Variants in MCOLN3 observed in about 807,000 individuals in gnomAD.
MCOLN3 encodes mucolipin TRP cation channel 3, also known as mucolipin-3.
A neutral mutation model predicts 69.4 loss-of-function variants in MCOLN3; 62 were observed. The ratio of observed to expected loss-of-function variants is 0.89; its 90% confidence interval spans 0.73 to 1.10. The LOEUF (loss-of-function observed/expected upper bound fraction) is 1.10, where lower values mean the gene tolerates loss of function less well. Ranked by LOEUF, MCOLN3 falls within the 50% of genes least tolerant of loss-of-function variation. The probability of loss-of-function intolerance (pLI) is 0.00; values close to 1 mark genes in which losing one functional copy is unlikely to be tolerated. For synonymous variants in MCOLN3, 183 were observed against 217.0 expected (o/e 0.84, Z 1.38); for missense variants, 564 against 656.4 (o/e 0.86, Z 1.54).
rs1225860641 is a variant in MCOLN3 at position 85,022,161 on chromosome 1, G to A, written c.1229C>T (p.Pro410Leu). 1 of 1,613,970 alleles carries A rather than the reference G, an allele frequency of 6.2e-7. No homozygotes were observed. The highest frequency in any genetic ancestry group is 8.5e-7 in the Non-Finnish European group (1 of 1,179,988). ...LLILTLQAAL[P>L]NVIRFCCCAA... ...ACAGCAGCAGAACCTGATGACATTG[G>A]GCAGCGCTGCCTGAAGGGTCAAAAT... The change falls in exon 11 of 13, where the codon CCC becomes CTC. Residue 410 changes from proline to leucine, a missense_variant. Pro to Leu is a moderately conservative substitution (Grantham distance 98). Coordinates refer to ENST00000370589, the MANE Select transcript of MCOLN3 (RefSeq NM_018298.11).
rs754967173 is a variant in MCOLN3, at chr1:85,026,096, GA to G, written c.946-9del. ...GAAAAAATTGACAAACTCCTTTAGG[GA>G]AAAGAGGGGAGGCACAGTGAATGTC... On this transcript the variant is annotated splice_polypyrimidine_tract_variant and intron_variant, in intron 8 of 12. Transcript: ENST00000370589. The G allele has an allele frequency of 3.2e-5, 51 of 1,609,196 alleles. No individual in the cohort carries two copies. Among genetic ancestry groups the G allele is most frequent in the Non-Finnish European group, 3.9e-5 (46 of 1,177,580 alleles).
In MCOLN3 at chr1:85,032,912, G is replaced by A. The variant is rs1652611631; in HGVS notation, c.595C>T (p.Pro199Ser). Residue 199 changes from proline to serine, a missense_variant, in exon 5 of 13, where the codon CCA (proline) becomes TCA (serine). Pro to Ser is a moderately conservative substitution (Grantham distance 74, BLOSUM62 -1). Transcript: ENST00000370589. Reference sequence around the variant, plus strand: ...GTTAAGTTCAGTTTATTTTCTGCTGGTGTCCCAATGTGAAAAGGTTCATCT... The same window carrying A: ...GTTAAGTTCAGTTTATTTTCTGCTGATGTCCCAATGTGAAAAGGTTCATCT... ...EPDEPFHIGT[P>S]AENKLNLTLD... is the part of the protein sequence containing the mutation. 3 of 1,614,076 alleles carry A rather than the reference G, an allele frequency of 1.9e-6. No individual in the cohort carries two copies. Among genetic ancestry groups the A allele is most frequent in the Non-Finnish European group, 2.5e-6 (3 of 1,180,042 alleles).
intron 1 of MCOLN3, among the ~76,000 whole-genome samples, chr1:85,045,746 T>C (rs925370551): frequency 6.6e-6 from 1 of 152,202 alleles, no homozygotes; most frequent in Admixed American, 6.5e-5. Flanking sequence ...TGAAGTTATA[T>C]GAAAACTTTC....
At chr1:85,034,373 G>T in intron 3 of MCOLN3, 122 bp from the exon 4 acceptor site, 1 of 919,302 alleles carries the variant, frequency 1.1e-6, no homozygotes, top group East Asian at 2.6e-5. Context: ...CATTCACTTT[G>T]ATAAACAGGG....
intron 3 of MCOLN3, among the ~76,000 whole-genome samples, chr1:85,039,378 T>G (rs1652952799): frequency 6.6e-6 from 1 of 152,166 alleles, no homozygotes; most frequent in Non-Finnish European, 1.5e-5. Context: ...GCCAGGCCAT[T>G]TTGTCCTTCT....
chr1:85,024,685 A>G (rs1356579970), intron 9 of MCOLN3: 6 of 152,162 alleles, frequency 3.9e-5, no homozygotes. Context: ...GTCTAGAAAG[A>G]TATTTTGTTG....
chr1:85,030,574 A>G (rs554967040), intron 6 of MCOLN3, among the ~76,000 whole-genome samples: 1 of 152,348 alleles, frequency 6.6e-6, no homozygotes, highest in East Asian at 1.9e-4. Flanking sequence ...TAAGAAAATC[A>G]TGCTGAATAA....
In MCOLN3 at chr1:85,032,890, A is replaced by C. The variant is rs1398855274; in HGVS notation, c.617T>G (p.Leu206Ter). Residue 206 changes from leucine (L) to a stop codon, truncating the protein, a stop_gained, in exon 5 of 13, where the codon TTA becomes TGA. Transcript: ENST00000370589. LOFTEE classifies it high-confidence loss of function. ...CCCTCACCTGTGGAAGTCCAGTGTT[A>C]AGTTCAGTTTATTTTCTGCTGGTGT... is the stretch of plus-strand genomic sequence containing the variant. ...IGTPAENKLN[L>*]TLDFHRLLTV... 1.9e-6 allele frequency: 3 copies of C among 1,614,052 alleles called. No homozygotes were observed. In the Admixed American group the frequency reaches 5.0e-5, roughly 27 times the overall value.
intron 9 of MCOLN3, chr1:85,025,702 A>G: frequency 2.1e-6 from 1 of 466,010 alleles, no homozygotes; most frequent in Admixed American, 4.0e-5. Flanking sequence ...CTAACATGGT[A>G]CACTTTACCA....
intron 1 of MCOLN3, among the ~76,000 whole-genome samples, chr1:85,047,946 G>C (rs911466566): frequency 1.3e-5 from 2 of 152,194 alleles, no homozygotes; most frequent in African/African-American, 4.8e-5. Flanking sequence ...CCCACTTCCA[G>C]CCGCCCCCAC....
At chr1:85,023,847 T>A (rs1443995028) in intron 9 of MCOLN3, among the ~76,000 whole-genome samples, 2 of 152,000 alleles carry the variant, frequency 1.3e-5, no homozygotes. Context: ...GCCAGTGACT[T>A]AGGAGGAAAA....
intron 3 of MCOLN3, among the ~76,000 whole-genome samples, chr1:85,039,792 T>A (rs989975401): frequency 3.3e-5 from 5 of 151,820 alleles, no homozygotes; most frequent in Non-Finnish European, 5.9e-5. Context: ...TAAAAAAAAT[T>A]TTTTTTTAAT....
chr1:85,041,958 T>TCA (rs1233554556), intron 2 of MCOLN3, among the ~76,000 whole-genome samples: 3 of 148,338 alleles, frequency 2.0e-5, no homozygotes, highest in African/African-American at 5.0e-5. Flanking sequence ...TCTCTCTCTC[T>TCA]CACACACACA....
intron 9 of MCOLN3, 66 bp from the exon 10 acceptor site, chr1:85,022,466 G>A (rs1194771730): frequency 1.9e-6 from 2 of 1,078,912 alleles, no homozygotes; most frequent in African/African-American, 1.6e-5. Context: ...TAAATATTGA[G>A]GTAAGTATGA....
At chr1:85,025,877 A>G (rs1420506259) in intron 9 of MCOLN3, 62 bp downstream of exon 9, 2 of 1,453,966 alleles carry the variant, frequency 1.4e-6, no homozygotes, top group Admixed American at 4.6e-5. Flanking sequence ...ACATTCTGGA[A>G]AAATACATTA....
intron 1 of MCOLN3, among the ~76,000 whole-genome samples, chr1:85,048,041 T>G (rs938313468): frequency 2.0e-5 from 3 of 152,196 alleles, no homozygotes; most frequent in Non-Finnish European, 2.9e-5. Flanking sequence ...ATCCAAGCCT[T>G]CCAGCCCAGG....
At chr1:85,042,126 A>G (rs537040422) in intron 2 of MCOLN3, among the ~76,000 whole-genome samples, 2 of 152,312 alleles carry the variant, frequency 1.3e-5, no homozygotes, top group Admixed American at 1.3e-4. Flanking sequence ...TGTGCCATAC[A>G]CTATTCCAGG....
chr1:85,046,639 T>C (rs928021659), intron 1 of MCOLN3, among the ~76,000 whole-genome samples: 11 of 152,200 alleles, frequency 7.2e-5, no homozygotes, highest in African/African-American at 2.7e-4. Flanking sequence ...GCTTTCCAAG[T>C]CTAGAACCCC....
chr1:85,040,944 G>A lies in MCOLN3; in HGVS notation c.396+66C>T, dbSNP rs1653028725. ...CCACTTGAATGTCAGTTTCTATTAT[G>A]TACATTGCCACCATTTTTCCAGTCT... On this transcript the variant is annotated intron_variant, in intron 3 of 12. Transcript: ENST00000370589. 8 of 1,516,768 alleles carry A rather than the reference G, an allele frequency of 5.3e-6. No homozygotes were observed. In the Admixed American group the frequency reaches 1.4e-4, roughly 27 times the overall value. 94.0% of individuals were successfully genotyped at this position (1,516,768 alleles called of 1,614,324 possible).
Sources: gnomAD v4.1 joint callset for allele counts (sites outside exome capture counted in the v4.1 genomes callset) on GRCh38, gnomAD v4.1.1 for gene constraint, MANE v1.5 for transcripts, NCBI Gene and HGNC (gene_info 2026-07-23, HGNC 2026-07-21) for gene names.